Variants in PHLDB2 observed in about 807,000 individuals in gnomAD.
PHLDB2 encodes the protein pleckstrin homology like domain family B member 2, also known as pleckstrin homology-like domain family B member 2.
In PHLDB2, 71 loss-of-function variants were observed where a neutral mutation model predicts 123.6. That is an observed-to-expected ratio of 0.57 (90% CI 0.47 to 0.70). The LOEUF is 0.70. Ranked by LOEUF, PHLDB2 falls within the 30% of genes least tolerant of loss-of-function variation. The probability of loss-of-function intolerance (pLI) is 0.00; values close to 1 mark genes in which losing one functional copy is unlikely to be tolerated. For missense variants in PHLDB2, 1,446 were observed against 1,519.5 expected (o/e 0.95, Z 0.80); for synonymous variants, 547 against 541.6 (o/e 1.01, Z -0.14).
chr3:111,736,946 G>T (rs545673500), intron 1 of PHLDB2, among the ~76,000 whole-genome samples: 105 of 152,292 alleles, frequency 6.9e-4, no homozygotes, highest in African/African-American at 2.4e-3. Flanking sequence ...CGGTATACAT[G>T]AGTAGGGACT....
At chr3:111,959,901 G>A (rs2071289742) in intron 12 of PHLDB2, among the ~76,000 whole-genome samples, 1 of 152,128 alleles carries the variant, frequency 6.6e-6, no homozygotes, top group South Asian at 2.1e-4. Context: ...AAGAGGTTGT[G>A]GCAATGTCAC....
intron 1 of PHLDB2, among the ~76,000 whole-genome samples, chr3:111,774,846 C>G (rs2060239327): frequency 6.6e-6 from 1 of 152,104 alleles, no homozygotes; most frequent in South Asian, 2.1e-4. Flanking sequence ...GTTTCATTCC[C>G]CAGTTCAGCA....
At chr3:111,934,591 G>T (rs2069352304) in intron 6 of PHLDB2, among the ~76,000 whole-genome samples, 2 of 152,174 alleles carry the variant, frequency 1.3e-5, no homozygotes, top group East Asian at 3.8e-4. Context: ...ATGACTTGTG[G>T]CTGGTCTTCC....
chr3:111,736,021 A>G (rs1941676930), intron 1 of PHLDB2, among the ~76,000 whole-genome samples: 1 of 152,172 alleles, frequency 6.6e-6, no homozygotes, highest in Non-Finnish European at 1.5e-5. Context: ...TAGAGTATAT[A>G]TTTATTCCCC....
chr3:111,866,372 G>A (rs2065083519), intron 1 of PHLDB2, among the ~76,000 whole-genome samples: 1 of 152,032 alleles, frequency 6.6e-6, no homozygotes, highest in Admixed American at 6.5e-5. Context: ...TGGAAGATGT[G>A]GTTGACCTGT....
rs1165502648 is a variant in PHLDB2 at position 111,913,700 on chromosome 3, A to G, written c.1717A>G (p.Lys573Glu). The G allele has an allele frequency of 9.3e-6, 15 of 1,610,034 alleles. No individual in the cohort carries two copies. Among genetic ancestry groups the G allele is most frequent in the Non-Finnish European group, 1.3e-5 (15 of 1,177,186 alleles). The part of the protein sequence containing the change: ...SESSYLSILP[K>E]TPEGISEEQR... ...GTCCTCTTATCTAAGTATCCTACCA[A>G]AGGTAATGTTGGCCCAGCAAAGATA... The change falls in exon 3 of 18, where the codon AAG becomes GAG. Residue 573 changes from lysine (K) to glutamate (E), a missense_variant and splice_region_variant. This residue lies in a region of PHLDB2 where 832 missense variants were observed against 831.9 expected (regional missense o/e 1.00). Coordinates refer to ENST00000431670, the MANE Select transcript of PHLDB2 (RefSeq NM_001134438.2).
chr3:111,920,508 GT>G lies in PHLDB2; in HGVS notation c.2001+93del. ...TTTAAATGTTGAATGCATTACTGGG[GT>G]TTTGGATTTGTGTGTCATGTTCCTG... On this transcript the variant is annotated intron_variant, in intron 5 of 17. Coordinates refer to ENST00000431670, the MANE Select transcript of PHLDB2 (RefSeq NM_001134438.2). 4 of 1,451,800 alleles carry G rather than the reference GT, an allele frequency of 2.8e-6. No homozygotes were observed. The South Asian group carries it at 5.7e-5, about 21-fold the overall frequency. The allele number at this position is 1,451,800 out of a possible 1,614,324, so 89.9% of individuals were successfully genotyped here. A position where few individuals can be genotyped will look rare whatever the true frequency, so the allele number is the denominator to read the frequency against.
At chr3:111,837,764 C>T (rs1403494649) in intron 1 of PHLDB2, among the ~76,000 whole-genome samples, 2 of 152,118 alleles carry the variant, frequency 1.3e-5, no homozygotes, top group South Asian at 2.1e-4. Context: ...TGAACCTGGC[C>T]GGGCACGGTG....
chr3:111,974,048 T>C (rs1300435627), intron 17 of PHLDB2, among the ~76,000 whole-genome samples: 1 of 152,180 alleles, frequency 6.6e-6, no homozygotes. Flanking sequence ...TGGGAAACCC[T>C]GCGAAACGAC....
intron 1 of PHLDB2, among the ~76,000 whole-genome samples, chr3:111,790,687 C>T (rs750738029): frequency 2.6e-5 from 4 of 152,132 alleles, no homozygotes; most frequent in Admixed American, 2.0e-4. Context: ...ATACTCTGGA[C>T]GTAAAATGAC....
At chr3:111,871,095 G>A (rs987304767) in intron 1 of PHLDB2, among the ~76,000 whole-genome samples, 8 of 152,108 alleles carry the variant, frequency 5.3e-5, no homozygotes, top group African/African-American at 9.7e-5. Context: ...ACGATTTACA[G>A]TTTTCTATCA....
intron 5 of PHLDB2, among the ~76,000 whole-genome samples, chr3:111,931,369 G>A (rs1274571663): frequency 1.3e-5 from 2 of 152,224 alleles, no homozygotes; most frequent in Non-Finnish European, 1.5e-5. Context: ...AATTTAAGAG[G>A]TAGCATTGTA....
Position 111,741,035 on chromosome 3 carries a change from C to A in PHLDB2, c.-49+8332C>A, listed in dbSNP as rs141749475. Among the ~76,000 whole-genome samples the A allele has an allele frequency of 4.0e-3, 614 of 152,252 alleles. 5 individuals carry two copies. The highest frequency in any genetic ancestry group is 0.014 in the African/African-American group (595 of 41,548). ...AGTCCTAATGCTAACCACCAAGTAC[C>A]AGCTGGCACCTTTACAAGTTCTCCA... On this transcript the variant is annotated intron_variant, in intron 1 of 17. Coordinates refer to the PHLDB2 transcript ENST00000393923.
Position 111,886,448 on chromosome 3 carries a change from CT to C in PHLDB2, c.1335+1048del, listed in dbSNP as rs34843747. On this transcript the variant is annotated intron_variant, in intron 2 of 17. Coordinates refer to ENST00000431670, the MANE Select transcript of PHLDB2 (RefSeq NM_001134438.2). ...TAAAACATTATGAGATTTTTTTTGC[CT>C]TTTTTTTTTTTAAGCTCATCAGCTA... Among the ~76,000 whole-genome samples the C allele has an allele frequency of 1.2e-3, 180 of 146,444 alleles. 2 individuals are homozygous for C. The highest frequency in any genetic ancestry group is 2.1e-3 in the African/African-American group (82 of 39,938).
rs568908602 is a variant in PHLDB2, at chr3:111,957,790, T to C, written c.2872+3761T>C. 4.6e-5 allele frequency among the ~76,000 whole-genome samples: 7 copies of C among 152,320 alleles called. No individual in the cohort carries two copies. The East Asian group carries it at 1.3e-3, about 29-fold the overall frequency. ...AAGATGGTTATTTCCTGTGGCTAGGTGGTAGAGATGTAGGATGTTAGACGA... is the reference window on the plus strand; with the variant it reads ...AAGATGGTTATTTCCTGTGGCTAGGCGGTAGAGATGTAGGATGTTAGACGA... On this transcript the variant is annotated intron_variant, in intron 12 of 17. Coordinates refer to ENST00000431670, the MANE Select transcript of PHLDB2 (RefSeq NM_001134438.2).
intron 1 of PHLDB2, among the ~76,000 whole-genome samples, chr3:111,836,156 T>G (rs920674116): frequency 2.0e-5 from 3 of 152,072 alleles, no homozygotes; most frequent in African/African-American, 7.2e-5. Flanking sequence ...ACTTACAGAA[T>G]AAAACAGCTG....
intron 3 of PHLDB2, among the ~76,000 whole-genome samples, chr3:111,918,390 A>C (rs1284315890): frequency 2.0e-5 from 3 of 152,234 alleles, no homozygotes; most frequent in South Asian, 4.1e-4. Context: ...TATAGCAAGA[A>C]CGTCTATAGG....
intron 1 of PHLDB2, among the ~76,000 whole-genome samples, chr3:111,881,742 A>G (rs761212509): frequency 2.5e-4 from 37 of 150,652 alleles, no homozygotes; most frequent in African/African-American, 6.3e-4. Flanking sequence ...GTAGCCACAA[A>G]TATTTTATGC....
intron 1 of PHLDB2, among the ~76,000 whole-genome samples, chr3:111,811,960 C>T (rs1323339442): frequency 6.6e-6 from 1 of 152,154 alleles, no homozygotes; most frequent in African/African-American, 2.4e-5. Flanking sequence ...CAAAACATTG[C>T]CCCAAGGTGA....
Sources: allele counts gnomAD v4.1 joint callset (sites outside exome capture counted in the v4.1 genomes callset), GRCh38; gene constraint gnomAD v4.1.1; regional missense constraint gnomAD v4.1.1; transcripts MANE v1.5; gene names NCBI Gene and HGNC (gene_info 2026-07-23, HGNC 2026-07-21).